The following PRKCB variants were observed in gnomAD, a reference collection of about 807,000 sequenced individuals.
PRKCB encodes protein kinase C beta.
Under a neutral mutation model 81.5 loss-of-function variants are expected in PRKCB, and 13 were observed. That is an observed-to-expected ratio of 0.16 (90% confidence interval 0.10 to 0.25). The LOEUF (loss-of-function observed/expected upper bound fraction) is 0.25. Ranked by LOEUF, PRKCB falls within the 10% of genes least tolerant of loss-of-function variation. The pLI is 1.00. For missense variants in PRKCB, 509 were observed against 875.7 expected, an observed-to-expected ratio of 0.58 and a Z score of 5.29; for synonymous variants, 335 against 321.4, an observed-to-expected ratio of 1.04 and a Z score of -0.45.
intron 3 of PRKCB, among the ~76,000 whole-genome samples, chr16:24,026,744 A>G (rs529784442): frequency 1.3e-5 from 2 of 152,352 alleles, no homozygotes; most frequent in South Asian, 4.1e-4. Context: ...ACTTCTACCA[A>G]GGGTCTCAGG....
At chr16:23,836,716 C>T (rs111927308) in intron 1 of PRKCB, among the ~76,000 whole-genome samples, 3 of 151,754 alleles carry the variant, frequency 2.0e-5, no homozygotes, top group African/African-American at 7.3e-5. Context: ...GGTTCCCTAT[C>T]TCTCCGCCTG....
At chr16:24,090,054 A>G (rs1454607774) in intron 5 of PRKCB, among the ~76,000 whole-genome samples, 1 of 152,098 alleles carries the variant, frequency 6.6e-6, no homozygotes, top group Non-Finnish European at 1.5e-5. Context: ...TGTCCATGAC[A>G]CTATATGGTC....
chr16:24,159,079 G>T (rs1967214398), intron 10 of PRKCB, among the ~76,000 whole-genome samples: 1 of 152,098 alleles, frequency 6.6e-6, no homozygotes, highest in African/African-American at 2.4e-5. Context: ...ATCTAGCCAT[G>T]GTCACCTCTC....
chr16:23,983,012 A>C (rs1964758355), intron 2 of PRKCB, among the ~76,000 whole-genome samples: 1 of 152,084 alleles, frequency 6.6e-6, no homozygotes, highest in Non-Finnish European at 1.5e-5. Context: ...TATTGAATAA[A>C]TTATGAAGCA....
intron 2 of PRKCB, among the ~76,000 whole-genome samples, chr16:23,870,895 T>A (rs1962891118): frequency 6.6e-6 from 1 of 152,232 alleles, no homozygotes; most frequent in Non-Finnish European, 1.5e-5. Flanking sequence ...TAGCAGGTTA[T>A]CTGGGGCCTG....
intron 9 of PRKCB, among the ~76,000 whole-genome samples, chr16:24,136,842 A>G (rs1042886533): frequency 1.3e-5 from 2 of 152,020 alleles, no homozygotes; most frequent in Admixed American, 6.6e-5. Flanking sequence ...GTTTCCTTTA[A>G]ATGTGTATTA....
intron 8 of PRKCB, among the ~76,000 whole-genome samples, chr16:24,114,987 G>T (rs1966719859): frequency 6.6e-6 from 1 of 152,176 alleles, no homozygotes; most frequent in African/African-American, 2.4e-5. Flanking sequence ...AGCAATGGAA[G>T]TTTACCATGT....
At chr16:24,150,994 A>AAT (rs1235779533) in intron 9 of PRKCB, among the ~76,000 whole-genome samples, 7 of 152,244 alleles carry the variant, frequency 4.6e-5, no homozygotes, top group African/African-American at 1.4e-4. Context: ...GTACAAATGC[A>AAT]ATAGTATCTC....
rs907963656 is a variant in PRKCB at position 23,956,125 on chromosome 16, T to A, written c.206-32383T>A. 3.9e-5 allele frequency among the ~76,000 whole-genome samples: 6 copies of A among 152,154 alleles called. No individual in the cohort carries two copies. In the East Asian group the frequency reaches 1.2e-3, roughly 29 times the overall value. Reference sequence around the variant, plus strand: ...AAGAGATCATATCCTATATACTTTTTTTATAATTTTTTTTGAGAGAGGGCC... The same window carrying A: ...AAGAGATCATATCCTATATACTTTTATTATAATTTTTTTTGAGAGAGGGCC... On this transcript the variant is annotated intron_variant, in intron 2 of 16. Coordinates refer to ENST00000643927, the MANE Select transcript of PRKCB (RefSeq NM_002738.7).
intron 5 of PRKCB, among the ~76,000 whole-genome samples, chr16:24,067,739 G>T (rs1297882987): frequency 6.6e-6 from 1 of 152,070 alleles, no homozygotes; most frequent in East Asian, 1.9e-4. Flanking sequence ...GGACAAGGTG[G>T]GTGGATCATC....
At chr16:23,918,584 G>A (rs1220739654) in intron 2 of PRKCB, among the ~76,000 whole-genome samples, 3 of 151,846 alleles carry the variant, frequency 2.0e-5, no homozygotes, top group Non-Finnish European at 4.4e-5. Flanking sequence ...TTTAGTAGAG[G>A]TGGGGTCTTG....
intron 3 of PRKCB, among the ~76,000 whole-genome samples, chr16:24,026,352 C>A (rs926646510): frequency 3.9e-5 from 6 of 152,216 alleles, no homozygotes; most frequent in Admixed American, 3.9e-4. Context: ...TTTCCCTTCC[C>A]ATTCTTTGTG....
At chr16:24,043,052 A>C (rs1398754672) in intron 5 of PRKCB, among the ~76,000 whole-genome samples, 3 of 152,302 alleles carry the variant, frequency 2.0e-5, no homozygotes, top group East Asian at 3.9e-4. Context: ...TTAAGTGTAC[A>C]ATGGCTGAGT....
chr16:24,193,440 A>G (rs605408), intron 16 of PRKCB, among the ~76,000 whole-genome samples: 142,761 of 149,850 alleles, frequency 0.95, 68,047 homozygotes, highest in East Asian at 1. Context: ...GTGAGACTCC[A>G]TCTCAAATAA....
At chr16:24,074,829 T>G (rs1966158251) in intron 5 of PRKCB, among the ~76,000 whole-genome samples, 1 of 152,108 alleles carries the variant, frequency 6.6e-6, no homozygotes, top group Admixed American at 6.6e-5. Flanking sequence ...CTGTTTAAAT[T>G]TAAATTAACG....
intron 7 of PRKCB, among the ~76,000 whole-genome samples, chr16:24,112,474 G>A (rs1397020140): frequency 6.6e-6 from 1 of 152,090 alleles, no homozygotes; most frequent in Non-Finnish European, 1.5e-5. Context: ...GGAGCTCGAG[G>A]CTTCAGTGAG....
intron 16 of PRKCB, among the ~76,000 whole-genome samples, chr16:24,193,456 T>TAAATA (rs1555501756): frequency 1.6e-5 from 1 of 62,536 alleles, no homozygotes; most frequent in African/African-American, 8.6e-5. Context: ...AATAAATAAA[T>TAAATA]AAATAAATAA....
chr16:23,882,594 A>G (rs771201582), intron 2 of PRKCB, among the ~76,000 whole-genome samples: 10 of 152,198 alleles, frequency 6.6e-5, no homozygotes, highest in Non-Finnish European at 1.5e-4. Flanking sequence ...GTTGTAGCAT[A>G]TGTCAGAATT....
chr16:24,108,344 A>ATTT (rs1555497253), intron 7 of PRKCB, among the ~76,000 whole-genome samples: 4 of 118,460 alleles, frequency 3.4e-5, no homozygotes, highest in African/African-American at 1.6e-4. Context: ...TTTTTTTTTA[A>ATTT]ATTTATTTAT....
Sources: gnomAD v4.1 joint callset for allele counts (sites outside exome capture counted in the v4.1 genomes callset) on GRCh38, gnomAD v4.1.1 for gene constraint, MANE v1.5 for transcripts, NCBI Gene and HGNC (gene_info 2026-07-23, HGNC 2026-07-21) for gene names.